BRWD1: variants seen among roughly 807,000 people sequenced by gnomAD.
The protein encoded by BRWD1 is bromodomain and WD repeat-containing protein 1.
A neutral mutation model predicts 251.2 loss-of-function variants in BRWD1; 82 were observed. The ratio of observed to expected loss-of-function variants is 0.33; its 90% CI spans 0.27 to 0.39. The LOEUF is 0.39. Among genes scored for constraint, BRWD1 ranks in the 10% least tolerant of loss-of-function variants. The pLI, the probability that BRWD1 is intolerant of heterozygous loss-of-function variation, is 1.00. For missense variants in BRWD1, 2,233 were observed against 2,711.6 expected, an observed-to-expected ratio of 0.82 and a Z score of 3.92; for synonymous variants, 918 against 902.8, an observed-to-expected ratio of 1.02 and a Z score of -0.30.
intron 8 of BRWD1, among the ~76,000 whole-genome samples, chr21:39,293,136 T>C (rs1029517577): frequency 6.6e-6 from 1 of 152,246 alleles, no homozygotes; most frequent in African/African-American, 2.4e-5. Context: ...TACAATTCTG[T>C]CTACTCTGTA....
chr21:39,224,297 A>T (rs1267722937), intron 29 of BRWD1, 111 bp downstream of exon 29: 3 of 566,744 alleles, frequency 5.3e-6, no homozygotes, highest in Non-Finnish European at 8.9e-6. Context: ...CAGTTACTGT[A>T]ATAATTTGAA....
At position 39,269,977 on chromosome 21, in the gene BRWD1, C is replaced by T. The variant is rs753469537; in HGVS notation, c.1452G>A (p.Met484Ile). ...TGCTGCCATCATGTCCTGCAGATAA[C>T]ATAATTCTGGAATCAAAGGGATGTG... ...LETHPFDSRI[M>I]LSAGHDGSIF... is the part of the protein sequence containing the mutation. Residue 484 changes from methionine to isoleucine, a missense_variant, in exon 15 of 41, where the codon ATG (methionine) becomes ATA (isoleucine). This residue lies in a region of BRWD1 where 315 missense variants were observed against 421.8 expected (regional missense o/e 0.75). Coordinates refer to ENST00000342449, the MANE Select transcript of BRWD1 (RefSeq NM_033656.4). 2 of 1,594,686 alleles carry T rather than the reference C, an allele frequency of 1.3e-6. No individual in the cohort carries two copies. Among genetic ancestry groups the T allele is most frequent in the Non-Finnish European group, 8.5e-7 (1 of 1,169,736 alleles).
rs2035217501 is a variant in BRWD1 at position 39,274,477 on chromosome 21, A to G, written c.1146-5T>C. On this transcript the variant is annotated splice_region_variant and splice_polypyrimidine_tract_variant and intron_variant, in intron 12 of 40. Coordinates refer to ENST00000342449, the MANE Select transcript of BRWD1 (RefSeq NM_033656.4). ...TCTCTGCTACCACTTAGGAACCTTAAAACATTCAGAACAGGATCTTACTAT... is the reference window on the plus strand; with the variant it reads ...TCTCTGCTACCACTTAGGAACCTTAGAACATTCAGAACAGGATCTTACTAT... The G allele has an allele frequency of 6.2e-7, 1 of 1,606,368 alleles. No individual in the cohort carries two copies. Among genetic ancestry groups the G allele is most frequent in the Admixed American group, 1.7e-5 (1 of 59,972 alleles).
At chr21:39,223,889 C>T (rs1195799909) in intron 29 of BRWD1, among the ~76,000 whole-genome samples, 1 of 152,144 alleles carries the variant, frequency 6.6e-6, no homozygotes, top group Admixed American at 6.5e-5. Flanking sequence ...TCGCTGTCGC[C>T]TAGGCTGGAG....
chr21:39,298,221 T>C (rs180781034), intron 5 of BRWD1: 29 of 1,208,664 alleles, frequency 2.4e-5, no homozygotes, highest in Admixed American at 1.7e-4. Context: ...TTAACATCTA[T>C]ATCTTTATCA....
At chr21:39,296,070 C>T (rs2035954305) in intron 6 of BRWD1, among the ~76,000 whole-genome samples, 167 bp from the exon 7 acceptor site, 1 of 152,134 alleles carries the variant, frequency 6.6e-6, no homozygotes, top group Non-Finnish European at 1.5e-5. Flanking sequence ...ACATAGACTT[C>T]TTACTATAAA....
At chr21:39,214,735 T>C (rs1193161491) in intron 32 of BRWD1, among the ~76,000 whole-genome samples, 1 of 152,082 alleles carries the variant, frequency 6.6e-6, no homozygotes, top group Non-Finnish European at 1.5e-5. Context: ...TAAAATTATT[T>C]CAAAATTTTA....
intron 4 of BRWD1, among the ~76,000 whole-genome samples, chr21:39,310,158 T>C (rs1486300402): frequency 6.6e-6 from 1 of 152,258 alleles, no homozygotes; most frequent in Non-Finnish European, 1.5e-5. Context: ...TGATAGTTTC[T>C]TAAAACATAT....
chr21:39,313,479 A>T lies in BRWD1; in HGVS notation c.13T>A (p.Ser5Thr). The T allele has an allele frequency of 7.8e-7, 1 of 1,285,162 alleles. No homozygotes were observed. Among genetic ancestry groups the T allele is most frequent in the Non-Finnish European group, 9.8e-7 (1 of 1,018,064 alleles). The allele number at this position is 1,285,162 out of a possible 1,614,324, so 79.6% of individuals were successfully genotyped here. A position where few individuals can be genotyped will look rare whatever the true frequency, so the allele number is the denominator to read the frequency against. MAEP[S>T]SARRPVPLIE... ...AGAGGCACCGGGCGTCGGGCGGACG[A>T]CGGCTCCGCCATGGCCGGGCGCGGG... Residue 5 changes from serine to threonine, a missense_variant, in exon 1 of 41, where the codon TCG becomes ACG. Coordinates refer to ENST00000342449, the MANE Select transcript of BRWD1 (RefSeq NM_033656.4).
At position 39,270,420 on chromosome 21, in the gene BRWD1, C is replaced by T. The variant is rs756501140; in HGVS notation, c.1258G>A (p.Glu420Lys). ...TTAGGTTTCATAAACCTTTCCTCTT[C>T]GGAAGATAAGTCCCTAACAAAAAAA... is the stretch of plus-strand genomic sequence containing the variant. Reference protein sequence around the residue: ...ATRISGDLSSEEERFMKPKVT... With the variant: ...ATRISGDLSSKEERFMKPKVT... Residue 420 changes from glutamate (E) to lysine (K), a missense_variant, in exon 14 of 41, where the codon GAA becomes AAA. Around this residue, in one of 12 missense-constraint regions of BRWD1, gnomAD observed 315 missense variants for 421.8 expected, o/e 0.75. Transcript: ENST00000342449. 27 of 1,606,424 alleles carry T rather than the reference C, an allele frequency of 1.7e-5. No homozygotes were observed. Among genetic ancestry groups the T allele is most frequent in the East Asian group, 4.5e-5 (2 of 44,712 alleles).
In BRWD1 at chr21:39,185,567, T is replaced by C. The variant is rs2031186351; in HGVS notation, c.*10692A>G. ...GGGATCAGTAATTTAGATGAAAGTATACTACAAAAGGAGCAAAGGACACAG... is the reference window on the plus strand; with the variant it reads ...GGGATCAGTAATTTAGATGAAAGTACACTACAAAAGGAGCAAAGGACACAG... On this transcript the variant is annotated 3_prime_UTR_variant, in exon 41 of 41. Transcript: ENST00000342449. 6.6e-6 allele frequency: 1 copy of C among 152,038 alleles called. No individual in the cohort carries two copies. The highest frequency in any genetic ancestry group is 2.4e-5 in the African/African-American group (1 of 41,422). The allele number at this position is 152,038 out of a possible 1,614,324, so 9.4% of individuals were successfully genotyped here.
intron 29 of BRWD1, among the ~76,000 whole-genome samples, chr21:39,223,422 G>C (rs1426405595): frequency 6.6e-6 from 1 of 152,090 alleles, no homozygotes; most frequent in Non-Finnish European, 1.5e-5. Flanking sequence ...TTACAAATCA[G>C]TAAAAACACA....
chr21:39,220,118 G>T (rs2033115893), intron 29 of BRWD1, among the ~76,000 whole-genome samples: 1 of 151,980 alleles, frequency 6.6e-6, no homozygotes, highest in Non-Finnish European at 1.5e-5. Flanking sequence ...CAAGGGGTGT[G>T]GGTGGGTGGG....
At chr21:39,300,493 A>T (rs1420978867) in intron 4 of BRWD1, among the ~76,000 whole-genome samples, 3 of 152,238 alleles carry the variant, frequency 2.0e-5, no homozygotes, top group Admixed American at 2.0e-4. Context: ...GCTGGAAGGG[A>T]AAGTATTGAT....
intron 29 of BRWD1, among the ~76,000 whole-genome samples, chr21:39,221,608 C>T (rs2033179901): frequency 6.6e-6 from 1 of 152,126 alleles, no homozygotes; most frequent in Admixed American, 6.6e-5. Context: ...ATATCCCAAA[C>T]TAATGGATAA....
chr21:39,187,105 CTT>C lies in BRWD1; in HGVS notation c.*9152_*9153del, dbSNP rs1220602132. ...ATTAATATCTTCTAGCTCTTTTTCACTTTCAGAATTTATGGTTGTATCATCCT... is the reference window on the plus strand; with the variant it reads ...ATTAATATCTTCTAGCTCTTTTTCACTCAGAATTTATGGTTGTATCATCCT... On this transcript the variant is annotated 3_prime_UTR_variant, in exon 41 of 41. Transcript: ENST00000342449. The C allele has an allele frequency of 6.2e-7, 1 of 1,605,226 alleles. No individual in the cohort carries two copies. The highest frequency in any genetic ancestry group is 1.1e-5 in the South Asian group (1 of 88,372).
intron 17 of BRWD1, among the ~76,000 whole-genome samples, chr21:39,259,018 G>A (rs986439810): frequency 6.6e-6 from 1 of 152,102 alleles, no homozygotes; most frequent in Admixed American, 6.6e-5. Flanking sequence ...TTATTCCCCA[G>A]AGTCTCTAAC....
At chr21:39,272,314 A>AT (rs1020617036) in intron 13 of BRWD1, among the ~76,000 whole-genome samples, 5 of 150,064 alleles carry the variant, frequency 3.3e-5, no homozygotes, top group Non-Finnish European at 7.4e-5. Flanking sequence ...ATAAATAAAA[A>AT]AAAAAAAAAA....
Position 39,290,712 on chromosome 21 carries a change from A to T in BRWD1, c.831+3099T>A, listed in dbSNP as rs142279494. Among the ~76,000 whole-genome samples, 708 of 152,314 alleles carry T rather than the reference A, an allele frequency of 4.6e-3. 11 individuals carry two copies. The highest frequency in any genetic ancestry group is 0.017 in the African/African-American group (689 of 41,572). The stretch of plus-strand genomic sequence containing the variant: ...GTCAACACATTCATATCAAACTATA[A>T]AATGTTAACTGTGAAACCTAGCAAG... On this transcript the variant is annotated intron_variant, in intron 8 of 40. Coordinates refer to ENST00000342449, the MANE Select transcript of BRWD1 (RefSeq NM_033656.4).
Sources: gnomAD v4.1 joint callset for allele counts (sites outside exome capture counted in the v4.1 genomes callset) on GRCh38, gnomAD v4.1.1 for gene constraint, gnomAD v4.1.1 regional missense constraint, MANE v1.5 for transcripts, NCBI Gene and HGNC (gene_info 2026-07-23, HGNC 2026-07-21) for gene names.